Variants in EPS15L1 observed in about 807,000 individuals in gnomAD.
EPS15L1 encodes epidermal growth factor receptor pathway substrate 15 like 1.
Under a neutral mutation model 117.1 loss-of-function variants are expected in EPS15L1, and 43 were observed. The ratio of observed to expected loss-of-function variants is 0.37; its 90% CI spans 0.29 to 0.47. EPS15L1 has a LOEUF of 0.47. EPS15L1 is among the 20% of genes least tolerant of loss of function. The pLI is 0.99. For missense variants in EPS15L1, 981 were observed against 1,164.0 expected (o/e 0.84, Z 2.29); for synonymous variants, 459 against 470.5 (o/e 0.98, Z 0.32).
In EPS15L1 at chr19:16,425,333, C is replaced by T. The variant is rs2092860190; in HGVS notation, c.559-17G>A. 6.5e-7 allele frequency: 1 copy of T among 1,543,174 alleles called. No homozygotes were observed. The highest frequency in any genetic ancestry group is 1.2e-5 in the South Asian group (1 of 85,724). On this transcript the variant is annotated splice_polypyrimidine_tract_variant and intron_variant, in intron 8 of 23. Transcript: ENST00000455140. ...GTGCATGGCCTGCAGGTGCAAACAACAATGGCACTGAAGGGGCAAGGCTGG... is the reference window on the plus strand; with the variant it reads ...GTGCATGGCCTGCAGGTGCAAACAATAATGGCACTGAAGGGGCAAGGCTGG...
intron 1 of EPS15L1, among the ~76,000 whole-genome samples, chr19:16,460,690 G>A (rs1454097031): frequency 1.3e-5 from 2 of 152,168 alleles, no homozygotes; most frequent in Admixed American, 1.3e-4. Context: ...AGCCAGCACG[G>A]GGGTGCCGCG....
At position 16,403,737 on chromosome 19, in the gene EPS15L1, T is replaced by A; in HGVS notation, c.1622A>T (p.Asn541Ile). The A allele has an allele frequency of 6.2e-7, 1 of 1,612,228 alleles. No individual in the cohort carries two copies. Among genetic ancestry groups the A allele is most frequent in the Non-Finnish European group, 8.5e-7 (1 of 1,179,960 alleles). The stretch of plus-strand genomic sequence containing the variant: ...GGACCCGACTCCGTGAAGTACCTGG[T>A]TGATTTCGTCTTGCGTTGACTTCAG... ...KSLKSTQDEI[N>I]QARSKLSQLH... is the part of the protein sequence containing the mutation. The change falls in exon 15 of 24, where the codon AAC becomes ATC. Residue 541 changes from asparagine (N) to isoleucine (I), a missense_variant. This residue lies in a region of EPS15L1 where 819 missense variants were observed against 949.0 expected (regional missense o/e 0.86). Transcript: ENST00000455140.
chr19:16,446,808 G>A (rs915884642), intron 1 of EPS15L1, among the ~76,000 whole-genome samples: 1 of 152,134 alleles, frequency 6.6e-6, no homozygotes, highest in Non-Finnish European at 1.5e-5. Context: ...AGGTCAAAAG[G>A]CAACACTCAA....
rs943530062 is a variant in EPS15L1 at position 16,355,419 on chromosome 19, CTG to C, written c.*284_*285del. ...GGTGCTTCCTCTCCTCGACTGACCG[CTG>C]TGTGTTCGTCCCCAGAGGAAGAGCG... On this transcript the variant is annotated 3_prime_UTR_variant, in exon 24 of 24. Transcript: ENST00000455140. 1.2e-5 allele frequency: 5 copies of C among 407,584 alleles called. No individual in the cohort carries two copies. The highest frequency in any genetic ancestry group is 9.9e-5 in the African/African-American group (5 of 50,374). 25.2% of individuals were successfully genotyped at this position (407,584 alleles called of 1,614,324 possible).
chr19:16,363,881 G>A (rs1472278996), intron 22 of EPS15L1, among the ~76,000 whole-genome samples: 1 of 152,228 alleles, frequency 6.6e-6, no homozygotes, highest in Admixed American at 6.5e-5. Flanking sequence ...CATATTCAAG[G>A]AAAAACAGTC....
At chr19:16,462,810 G>C in intron 1 of EPS15L1, among the ~76,000 whole-genome samples, 1 of 152,248 alleles carries the variant, frequency 6.6e-6, no homozygotes, top group East Asian at 1.9e-4. Context: ...GCAGTGTACA[G>C]CCAGTCAGAG....
At chr19:16,357,039 A>G (rs1453875305) in intron 23 of EPS15L1, 1 of 152,378 alleles carries the variant, frequency 6.6e-6, no homozygotes, top group Non-Finnish European at 1.5e-5. Context: ...GGGAGCAGAA[A>G]TATACAAACA....
At chr19:16,399,526 T>C (rs996778711) in intron 16 of EPS15L1, among the ~76,000 whole-genome samples, 2 of 151,972 alleles carry the variant, frequency 1.3e-5, no homozygotes, top group African/African-American at 4.8e-5. Flanking sequence ...TTTAGAGGAG[T>C]GCTGGGCAGC....
chr19:16,418,221 G>GCCC, intron 10 of EPS15L1, 117 bp from the exon 11 acceptor site: 1 of 1,173,918 alleles, frequency 8.5e-7, no homozygotes, highest in Non-Finnish European at 1.2e-6. Context: ...GCAGGGCGTG[G>GCCC]TGGCAAGCCC....
At chr19:16,435,279 G>C (rs1335186586) in intron 6 of EPS15L1, 1 of 152,038 alleles carries the variant, frequency 6.6e-6, no homozygotes, top group Non-Finnish European at 1.5e-5. Context: ...CATTTCTAAT[G>C]GTAAATAAAT....
At chr19:16,396,266 G>T (rs2092539777) in intron 16 of EPS15L1, among the ~76,000 whole-genome samples, 1 of 152,176 alleles carries the variant, frequency 6.6e-6, no homozygotes, top group Non-Finnish European at 1.5e-5. Context: ...TATCTTTGCA[G>T]TTTTTCTTTT....
intron 13 of EPS15L1, chr19:16,413,514 G>A (rs2092727476): frequency 1.4e-6 from 1 of 709,570 alleles, no homozygotes. Flanking sequence ...TGACCACCTT[G>A]TCAAGACCTA....
chr19:16,413,701 G>C, intron 13 of EPS15L1, 72 bp downstream of exon 13: 1 of 1,292,650 alleles, frequency 7.7e-7, no homozygotes, highest in Non-Finnish European at 1.1e-6. Context: ...CCCACCACCA[G>C]CCAGGGAGGG....
chr19:16,420,397 G>C lies in EPS15L1; in HGVS notation c.950+922C>G, dbSNP rs142382276. ...GTGTGTTGGTTTCAGAGTCATAAAG[G>C]GGACACTGTGTTTTGTTGGTTTCTA... On this transcript the variant is annotated intron_variant, in intron 10 of 23. Transcript: ENST00000455140. Among the ~76,000 whole-genome samples the C allele has an allele frequency of 5.3e-5, 8 of 152,328 alleles. No individual in the cohort carries two copies. In the East Asian group the frequency reaches 1.5e-3, roughly 29 times the overall value.
In EPS15L1 at chr19:16,383,674, TG is replaced by T. The variant is rs2092388215; in HGVS notation, c.2247+1454del. On this transcript the variant is annotated intron_variant, in intron 21 of 23. Transcript: ENST00000455140. This position sits in a 1 kb window ranked among gnomAD's most constrained non-coding sequence, Gnocchi z 5.2. ...ACACACACCCTGCCTCGGTCAGAAG[TG>T]GGATCTGCTGCGCCGCCAGGGCACG... 6.6e-6 allele frequency: 1 copy of T among 152,172 alleles called. No individual in the cohort carries two copies. Among genetic ancestry groups the T allele is most frequent in the Non-Finnish European group, 1.5e-5 (1 of 68,052 alleles). 9.4% of individuals were successfully genotyped at this position (152,172 alleles called of 1,614,324 possible). A position where few individuals can be genotyped will look rare whatever the true frequency, so the allele number is the denominator to read the frequency against.
At chr19:16,454,559 G>A (rs2093177016) in intron 1 of EPS15L1, among the ~76,000 whole-genome samples, 1 of 152,152 alleles carries the variant, frequency 6.6e-6, no homozygotes, top group Admixed American at 6.6e-5. Flanking sequence ...TTCTCCCCAG[G>A]GACCCAAATG....
At chr19:16,382,949 T>C (rs746807689) in intron 21 of EPS15L1, 5 of 152,150 alleles carry the variant, frequency 3.3e-5, no homozygotes, top group Middle Eastern at 3.2e-3. Context: ...AAGTTGATGA[T>C]GGTTTTTTTT....
At chr19:16,372,107 C>T (rs1232235262) in intron 22 of EPS15L1, among the ~76,000 whole-genome samples, 4 of 152,214 alleles carry the variant, frequency 2.6e-5, no homozygotes, top group Non-Finnish European at 5.9e-5. Context: ...GGAGATGGCC[C>T]TTGGTGGTCC....
At position 16,371,948 on chromosome 19, in the gene EPS15L1, G is replaced by C. The variant is rs1387169766; in HGVS notation, c.2380+5174C>G. ...ACTGACAGGTTTCGGCAGCCTGCCG[G>C]GTCTGTGCTGCATCTGCCTGAAAGA... On this transcript the variant is annotated intron_variant, in intron 22 of 23. Coordinates refer to ENST00000455140, the MANE Select transcript of EPS15L1 (RefSeq NM_001258374.3). The surrounding 1 kb of genome is among the most constrained non-coding windows in gnomAD (Gnocchi z 4.7). 2.6e-5 allele frequency among the ~76,000 whole-genome samples: 4 copies of C among 152,176 alleles called. No homozygotes were observed. Among genetic ancestry groups the C allele is most frequent in the Non-Finnish European group, 5.9e-5 (4 of 68,030 alleles).
Sources: gnomAD v4.1 joint callset for allele counts (sites outside exome capture counted in the v4.1 genomes callset) on GRCh38, gnomAD v4.1.1 for gene constraint, gnomAD v4.1.1 regional missense constraint, Gnocchi (gnomAD v3.1) non-coding constraint, MANE v1.5 for transcripts, NCBI Gene and HGNC (gene_info 2026-07-23, HGNC 2026-07-21) for gene names.